The following LINGO1 variants were observed in gnomAD, a reference collection of about 807,000 sequenced individuals.
LINGO1 encodes leucine-rich repeat and immunoglobulin-like domain-containing nogo receptor-interacting protein 1.
A neutral mutation model predicts 37.3 loss-of-function variants in LINGO1; 11 were observed. The observed-to-expected ratio is 0.29, with a 90% CI of 0.19 to 0.49. The LOEUF is 0.49. LINGO1 is among the 20% of genes least tolerant of loss of function. LINGO1 has a pLI of 0.99. For missense variants in LINGO1, 585 were observed against 878.2 expected (o/e 0.67, Z 4.22); for synonymous variants, 387 against 403.0 (o/e 0.96, Z 0.48).
upstream of LINGO1, among the ~76,000 whole-genome samples, chr15:77,637,173 G>A (rs1038982650): frequency 6.6e-6 from 1 of 152,230 alleles, no homozygotes; most frequent in Non-Finnish European, 1.5e-5. The surrounding 1 kb of genome is among the most constrained non-coding windows in gnomAD (Gnocchi z 4.6). Context: ...AGCCAACATG[G>A]GGAAGGCACA....
rs985551534 is a variant in LINGO1, at chr15:77,717,728, G to A, written c.-195+17264C>T. On this transcript the variant is annotated intron_variant, in intron 2 of 3. Coordinates refer to the LINGO1 transcript ENST00000561686. ...CCCCCACCAAGCCCAGGCCCGGGCT[G>A]TTCTGCACAGGAGGGAGCCTCAGCA... Among the ~76,000 whole-genome samples, 4 of 150,700 alleles carry A rather than the reference G, an allele frequency of 2.7e-5. 1 individual carries two copies. The highest frequency in any genetic ancestry group is 5.9e-5 in the Non-Finnish European group (4 of 67,522).
chr15:77,728,662 T>C (rs995775577), intron 2 of LINGO1, among the ~76,000 whole-genome samples: 2 of 152,236 alleles, frequency 1.3e-5, no homozygotes, highest in African/African-American at 4.8e-5. Context: ...AATGTGGGCA[T>C]CACACTTCTC....
At chr15:77,618,240 T>C (rs946586800) in intron 1 of LINGO1, among the ~76,000 whole-genome samples, 7 of 152,238 alleles carry the variant, frequency 4.6e-5, no homozygotes, top group African/African-American at 1.7e-4. Context: ...CCCGAGGTGC[T>C]GGTAAGCCCC....
intron 1 of LINGO1, among the ~76,000 whole-genome samples, chr15:77,622,394 C>T (rs1595994033): frequency 6.6e-6 from 1 of 152,290 alleles, no homozygotes; most frequent in South Asian, 2.1e-4. Context: ...TCCCAGCCCC[C>T]ACCACCTGTG....
Position 77,614,034 on chromosome 15 carries a change from C to G in LINGO1, c.*10G>C, listed in dbSNP as rs772427180. The G allele has an allele frequency of 1.7e-5, 26 of 1,554,382 alleles. No homozygotes were observed. The South Asian group carries it at 2.6e-4, about 15-fold the overall frequency. On this transcript the variant is annotated 3_prime_UTR_variant, in exon 2 of 2. Coordinates refer to ENST00000355300, the MANE Select transcript of LINGO1 (RefSeq NM_032808.7). ...CGGCCGCCCGGGGGTCCCTGCCCCC[C>G]GCCCCGGCCTCATATCATCTTCATG...
rs139239011 is a variant in LINGO1, at chr15:77,738,417, G to A, written c.-256-3364C>T. ...ATTGGCCTCCTTCCCACACGGGCCA[G>A]TCTCAGGGTTTTTGCCCTCTCGCTC... On this transcript the variant is annotated intron_variant, in intron 1 of 3. Coordinates refer to the LINGO1 transcript ENST00000561686. Among the ~76,000 whole-genome samples the A allele has an allele frequency of 3.3e-3, 496 of 152,252 alleles. 2 individuals are homozygous for A. The highest frequency in any genetic ancestry group is 0.011 in the African/African-American group (469 of 41,550).
upstream of LINGO1, among the ~76,000 whole-genome samples, chr15:77,790,429 G>C (rs1333170000): frequency 1.3e-5 from 2 of 152,200 alleles, no homozygotes; most frequent in East Asian, 1.9e-4. Flanking sequence ...TAAAGCTCTC[G>C]ACACCTGTAG....
chr15:77,799,004 G>A (rs1350253191), intron 1 of LINGO1, among the ~76,000 whole-genome samples: 2 of 152,150 alleles, frequency 1.3e-5, no homozygotes, highest in Non-Finnish European at 2.9e-5. Context: ...ACAACATGGT[G>A]CATAATCACA....
intron 3 of LINGO1, among the ~76,000 whole-genome samples, chr15:77,669,225 G>A (rs2075202977): frequency 1.3e-5 from 2 of 152,208 alleles, no homozygotes; most frequent in African/African-American, 4.8e-5. Context: ...AGGACAACTG[G>A]ATGCCACTTT....
At chr15:77,765,260 C>T (rs1233599183) in intron 1 of LINGO1, among the ~76,000 whole-genome samples, 1 of 152,010 alleles carries the variant, frequency 6.6e-6, no homozygotes, top group Non-Finnish European at 1.5e-5. Context: ...ACTAAAAATA[C>T]AAAAATTAGC....
intron 1 of LINGO1, among the ~76,000 whole-genome samples, chr15:77,759,184 C>G (rs1567567744): frequency 6.6e-6 from 1 of 152,236 alleles, no homozygotes; most frequent in Non-Finnish European, 1.5e-5. Flanking sequence ...CATGCACACG[C>G]ACATGCATAC....
chr15:77,771,809 G>C (rs1596211665), intron 1 of LINGO1, among the ~76,000 whole-genome samples: 1 of 152,216 alleles, frequency 6.6e-6, no homozygotes, highest in East Asian at 1.9e-4. Context: ...GGAAGGGGCA[G>C]GCCTGGGCTC....
At chr15:77,803,847 C>A (rs965917656) in intron 1 of LINGO1, among the ~76,000 whole-genome samples, 33 of 152,278 alleles carry the variant, frequency 2.2e-4, no homozygotes, top group African/African-American at 7.7e-4. Flanking sequence ...GATCCATGAG[C>A]CAATTAAACC....
intron 2 of LINGO1, among the ~76,000 whole-genome samples, chr15:77,684,397 T>C (rs1166796362): frequency 2.0e-5 from 3 of 152,328 alleles, no homozygotes; most frequent in Admixed American, 6.5e-5. Flanking sequence ...AGGGGGTAAG[T>C]GGACCTAGGC....
At chr15:77,668,413 G>C (rs80090456) in intron 3 of LINGO1, among the ~76,000 whole-genome samples, 1,750 of 152,240 alleles carry the variant, frequency 0.011, 44 homozygotes, top group African/African-American at 0.04. Context: ...GACTTGCAAG[G>C]CTTCCAATCC....
chr15:77,734,162 C>T (rs572696259), intron 2 of LINGO1, among the ~76,000 whole-genome samples: 149 of 152,254 alleles, frequency 9.8e-4, no homozygotes, highest in African/African-American at 3.4e-3. Context: ...ACTTCAAATC[C>T]GCTAGTACTG....
At chr15:77,782,266 C>T (rs1048753102) in intron 1 of LINGO1, among the ~76,000 whole-genome samples, 2 of 151,942 alleles carry the variant, frequency 1.3e-5, no homozygotes, top group African/African-American at 2.4e-5. Flanking sequence ...TACACATGTG[C>T]GTCAGCAGGA....
At chr15:77,723,249 G>C (rs1315112842) in intron 2 of LINGO1, among the ~76,000 whole-genome samples, 1 of 150,200 alleles carries the variant, frequency 6.7e-6, no homozygotes, top group Non-Finnish European at 1.5e-5. Flanking sequence ...ATCAGCCTTA[G>C]AGCCCCTTGC....
At chr15:77,755,485 C>A (rs1567565392) in intron 1 of LINGO1, among the ~76,000 whole-genome samples, 1 of 152,232 alleles carries the variant, frequency 6.6e-6, no homozygotes, top group African/African-American at 2.4e-5. Flanking sequence ...TCACGCTGAG[C>A]AGGCCACTAC....
Sources: gnomAD v4.1 joint callset for allele counts (sites outside exome capture counted in the v4.1 genomes callset) on GRCh38, gnomAD v4.1.1 for gene constraint, Gnocchi (gnomAD v3.1) non-coding constraint, MANE v1.5 for transcripts, NCBI Gene and HGNC (gene_info 2026-07-23, HGNC 2026-07-21) for gene names.